SAP18: variants seen among roughly 807,000 people sequenced by gnomAD.
The protein encoded by SAP18 is histone deacetylase complex subunit SAP18.
In SAP18, 4 loss-of-function variants were observed where a neutral mutation model predicts 18.6. That is an observed-to-expected ratio of 0.21 (90% CI 0.11 to 0.49). SAP18 has a LOEUF of 0.49. SAP18 is among the 20% of genes least tolerant of loss of function. The pLI is 0.98. For missense variants in SAP18, 170 were observed against 226.4 expected (o/e 0.75, Z 1.60); for synonymous variants, 112 against 82.8 (o/e 1.35, Z -1.92).
At chr13:21,142,304 G>C (rs1391447410) in intron 2 of SAP18, among the ~76,000 whole-genome samples, 2 of 150,768 alleles carry the variant, frequency 1.3e-5, no homozygotes, top group Non-Finnish European at 3.0e-5. Context: ...ATATGTGTGT[G>C]CCTATATAAC....
At chr13:21,146,573 A>G (rs1003308013) in intron 2 of SAP18, 3 of 329,666 alleles carry the variant, frequency 9.1e-6, no homozygotes, top group Non-Finnish European at 1.7e-5. Flanking sequence ...AGTCCCTTTT[A>G]GCACTAAGAG....
intron 2 of SAP18, among the ~76,000 whole-genome samples, chr13:21,144,061 C>T (rs1209604919): frequency 1.3e-5 from 2 of 152,140 alleles, no homozygotes; most frequent in Admixed American, 6.6e-5. Flanking sequence ...CTGTGTTCAC[C>T]AAAGTCAATC....
intron 2 of SAP18, among the ~76,000 whole-genome samples, chr13:21,144,722 G>A (rs532724979): frequency 6.6e-6 from 1 of 152,232 alleles, no homozygotes; most frequent in South Asian, 2.1e-4. Flanking sequence ...ACCCCACCCT[G>A]TCCTCAAGCT....
chr13:21,140,702 G>T, intron 1 of SAP18, 21 bp downstream of exon 1: 2 of 1,607,156 alleles, frequency 1.2e-6, no homozygotes, highest in Admixed American at 1.7e-5. Flanking sequence ...CCTCCGCTTT[G>T]GGGTCCGGGA....
exon 1 of SAP18, chr13:21,140,554 T>C (rs978956587): frequency 2.5e-6 from 4 of 1,589,088 alleles, no homozygotes; most frequent in African/African-American, 1.3e-5. Context: ...TTAGTGCTCA[T>C]GCTCGCTGCA....
exon 4 of SAP18, chr13:21,147,953 C>T (rs1286686506): frequency 2.0e-5 from 3 of 152,270 alleles, no homozygotes; most frequent in African/African-American, 7.2e-5. Context: ...AGGCTGGAAC[C>T]AGTTCAGAGG....
exon 4 of SAP18, chr13:21,147,316 C>T: frequency 6.2e-7 from 1 of 1,613,570 alleles, no homozygotes; most frequent in Non-Finnish European, 8.5e-7. Flanking sequence ...GGCACCACCT[C>T]CTTCAGGGCG....
chr13:21,143,442 C>G (rs1869538400), intron 2 of SAP18, among the ~76,000 whole-genome samples: 1 of 152,084 alleles, frequency 6.6e-6, no homozygotes, highest in African/African-American at 2.4e-5. Flanking sequence ...AGTATGATAC[C>G]TGTACTTAAG....
chr13:21,147,431 C>A, exon 4 of SAP18: 1 of 1,184,808 alleles, frequency 8.4e-7, no homozygotes, highest in South Asian at 1.5e-5. Context: ...TGCCATTAAG[C>A]CTTTAAATTC....
rs555282436 is a variant in SAP18, at chr13:21,147,504, C to T, written c.*162C>T. 4.0e-4 allele frequency: 266 copies of T among 660,538 alleles called. No individual in the cohort carries two copies. In the Middle Eastern group the frequency reaches 5.2e-3, roughly 13 times the overall value. 40.9% of individuals were successfully genotyped at this position (660,538 alleles called of 1,614,324 possible). A position where few individuals can be genotyped will look rare whatever the true frequency, so the allele number is the denominator to read the frequency against. ...ATTTGGATGTGCTATTGTATGATTA[C>T]GAATAGTCTGTATGTTTCAAGCCCT... On this transcript the variant is annotated 3_prime_UTR_variant, in exon 4 of 4. Transcript: ENST00000621421.
intron 2 of SAP18, among the ~76,000 whole-genome samples, chr13:21,141,958 G>A (rs9550708): frequency 0.42 from 63,724 of 150,794 alleles, 14,660 homozygotes; most frequent in East Asian, 0.69. Context: ...GAGCTACTGC[G>A]CCCAGCCTAA....
intron 2 of SAP18, chr13:21,141,616 T>C (rs1869465878): frequency 6.5e-6 from 1 of 154,134 alleles, no homozygotes; most frequent in African/African-American, 2.4e-5. Context: ...GACACCATAA[T>C]GGCTTTTTAG....
chr13:21,140,797 G>T, intron 1 of SAP18, 89 bp from the exon 2 acceptor site: 1 of 1,581,382 alleles, frequency 6.3e-7, no homozygotes, highest in Non-Finnish European at 8.7e-7. Flanking sequence ...GGGAGGCTCG[G>T]AGGCCGCAAC....
At chr13:21,147,384 T>C in exon 4 of SAP18, 1 of 1,551,836 alleles carries the variant, frequency 6.4e-7, no homozygotes, top group African/African-American at 1.4e-5. Flanking sequence ...CCGTCAGTTA[T>C]GTAAAATAAA....
rs1453156758 is a variant in SAP18 at position 21,147,177 on chromosome 13, T to G, written c.363-9T>G. On this transcript the variant is annotated splice_polypyrimidine_tract_variant and intron_variant, in intron 3 of 3. Coordinates refer to ENST00000621421, the Ensembl canonical transcript of SAP18. ...TGGATCCATTAACAGTTGATTTTCT[T>G]TCTTACAGAGTTAAGGAGATTGGCA... is the stretch of plus-strand genomic sequence containing the variant. 1 of 1,606,700 alleles carries G rather than the reference T, an allele frequency of 6.2e-7. No individual in the cohort carries two copies. The highest frequency in any genetic ancestry group is 8.5e-7 in the Non-Finnish European group (1 of 1,177,592).
Position 21,140,869 on chromosome 13 carries a change from T to A in SAP18, c.130-17T>A, listed in dbSNP as rs763255860. The A allele has an allele frequency of 3.7e-6, 6 of 1,607,858 alleles. No individual in the cohort carries two copies. In the South Asian group the frequency reaches 5.5e-5, roughly 15 times the overall value. On this transcript the variant is annotated splice_polypyrimidine_tract_variant and intron_variant, in intron 1 of 3. Transcript: ENST00000621421. Reference sequence around the variant, plus strand: ...GGTGTTTTTAACTTCTGCCCTTCCGTTTTCTCTCTCCCTCAGACATGCCCA... The same window carrying A: ...GGTGTTTTTAACTTCTGCCCTTCCGATTTCTCTCTCCCTCAGACATGCCCA...
chr13:21,147,016 T>C (rs1479988043), intron 3 of SAP18, 89 bp downstream of exon 3: 1 of 1,461,344 alleles, frequency 6.8e-7, no homozygotes, highest in Admixed American at 2.2e-5. Flanking sequence ...TGAATCTTGT[T>C]AGTGGGAGAA....
exon 4 of SAP18, chr13:21,147,296 C>T (rs748207834): frequency 2.5e-5 from 40 of 1,613,952 alleles, no homozygotes; most frequent in Non-Finnish European, 2.6e-5. Context: ...GCAATTACCC[C>T]TCCAAATCGG....
exon 2 of SAP18, chr13:21,140,951 C>A (rs1490340812): frequency 6.2e-7 from 1 of 1,613,936 alleles, no homozygotes; most frequent in Admixed American, 1.7e-5. Context: ...TGGACGAGTT[C>A]TCCCGGGGAA....
Sources: allele counts gnomAD v4.1 joint callset (sites outside exome capture counted in the v4.1 genomes callset), GRCh38; gene constraint gnomAD v4.1.1; transcripts MANE v1.5; gene names NCBI Gene and HGNC (gene_info 2026-07-23, HGNC 2026-07-21).